The following PTBP2 variants were observed in gnomAD, a reference collection of about 807,000 sequenced individuals.
PTBP2 encodes the protein polypyrimidine tract binding protein 2, also known as polypyrimidine tract-binding protein 2.
A neutral mutation model predicts 61.4 loss-of-function variants in PTBP2; 13 were observed. That is an observed-to-expected ratio of 0.21 (90% confidence interval 0.14 to 0.34). The LOEUF (loss-of-function observed/expected upper bound fraction) is 0.34. PTBP2 is among the 10% of genes least tolerant of loss of function. PTBP2 has a pLI of 1.00. For missense variants in PTBP2, 405 were observed against 642.6 expected, an observed-to-expected ratio of 0.63 and a Z score of 4.00; for synonymous variants, 215 against 218.5, an observed-to-expected ratio of 0.98 and a Z score of 0.14.
At position 96,806,467 on chromosome 1, in the gene PTBP2, G is replaced by A; in HGVS notation, c.1078+15G>A. On this transcript the variant is annotated intron_variant, in intron 10 of 13. Coordinates refer to ENST00000674951, the MANE Select transcript of PTBP2 (RefSeq NM_021190.4). ...TACCCTCTTCGGTATGTTATTGTTAGCACTATACTTTTATTATTGATTTGA... is the reference window on the plus strand; with the variant it reads ...TACCCTCTTCGGTATGTTATTGTTAACACTATACTTTTATTATTGATTTGA... 6.2e-7 allele frequency: 1 copy of A among 1,600,850 alleles called. No individual in the cohort carries two copies. Among genetic ancestry groups the A allele is most frequent in the Non-Finnish European group, 8.6e-7 (1 of 1,168,448 alleles).
At position 96,806,918 on chromosome 1, in the gene PTBP2, C is replaced by T. The variant is rs745462545; in HGVS notation, c.1131C>T (p.Ser377=). The change falls in exon 11 of 14, where the codon AGC becomes AGT. Residue 377 remains serine, a synonymous_variant. Transcript: ENST00000674951. Reference sequence around the variant, plus strand: ...AGATTTTATACAATAAGAAAGACAGCGCTCTAATACAGATGGCTGATGGAA... The same window carrying T: ...AGATTTTATACAATAAGAAAGACAGTGCTCTAATACAGATGGCTGATGGAA... ...RVKILYNKKD[S]ALIQMADGNQ... The T allele has an allele frequency of 2.0e-5, 33 of 1,610,990 alleles. No homozygotes were observed. The highest frequency in any genetic ancestry group is 1.6e-4 in the Middle Eastern group (1 of 6,078).
chr1:96,779,049 A>T (rs781113166), intron 7 of PTBP2, among the ~76,000 whole-genome samples: 2 of 152,132 alleles, frequency 1.3e-5, no homozygotes, highest in Non-Finnish European at 2.9e-5. Flanking sequence ...ACTTACAGTG[A>T]ACACCACCTA....
chr1:96,817,249 A>G (rs1662521913), downstream of PTBP2: 2 of 152,080 alleles, frequency 1.3e-5, no homozygotes, highest in African/African-American at 4.8e-5. Context: ...TTCAAACAGG[A>G]TTTTCTGGCT....
chr1:96,790,373 CTGAT>C (rs960711699), intron 8 of PTBP2, among the ~76,000 whole-genome samples: 2 of 151,384 alleles, frequency 1.3e-5, no homozygotes, highest in African/African-American at 4.9e-5. Flanking sequence ...TGCTTTAAGA[CTGAT>C]TGTGGATTTG....
intron 2 of PTBP2, among the ~76,000 whole-genome samples, chr1:96,733,256 C>T (rs1419389817): frequency 6.6e-6 from 1 of 152,080 alleles, no homozygotes; most frequent in Non-Finnish European, 1.5e-5. Context: ...CACTCCGACA[C>T]ATTCTTGTGC....
chr1:96,794,982 A>G (rs1660227663), intron 8 of PTBP2, among the ~76,000 whole-genome samples: 1 of 152,182 alleles, frequency 6.6e-6, no homozygotes, highest in South Asian at 2.1e-4. Context: ...TTAATATGGG[A>G]ATTCTTAAAC....
chr1:96,722,442 G>T (rs968865745), intron 1 of PTBP2, among the ~76,000 whole-genome samples: 1 of 151,920 alleles, frequency 6.6e-6, no homozygotes, highest in African/African-American at 2.4e-5. Flanking sequence ...CGCTGGGGAA[G>T]GGGGGAGGGC....
At chr1:96,761,020 T>C (rs979087310) in intron 3 of PTBP2, among the ~76,000 whole-genome samples, 1 of 152,198 alleles carries the variant, frequency 6.6e-6, no homozygotes, top group Non-Finnish European at 1.5e-5. Flanking sequence ...GTAAGCATTG[T>C]ATGAAGCAAA....
At chr1:96,742,486 T>G (rs1402504399) in intron 2 of PTBP2, among the ~76,000 whole-genome samples, 1 of 152,150 alleles carries the variant, frequency 6.6e-6, no homozygotes, top group African/African-American at 2.4e-5. Flanking sequence ...TTCTCCTATT[T>G]CTTGATTTGT....
chr1:96,778,771 C>G (rs1474902530), intron 7 of PTBP2, among the ~76,000 whole-genome samples: 1 of 152,030 alleles, frequency 6.6e-6, no homozygotes. Context: ...GTCTCTAATA[C>G]TTAAATGCTT....
chr1:96,799,294 C>CTTTTTTTTTTATTTTTTTTT (rs1660726535), intron 8 of PTBP2, among the ~76,000 whole-genome samples: 1 of 92,198 alleles, frequency 1.1e-5, no homozygotes, highest in African/African-American at 4.8e-5. Flanking sequence ...ATAGATCAAG[C>CTTTTTTTTTTATTTTTTTTT]TTTTTTTTTT....
exon 14 of PTBP2, chr1:96,820,077 A>T (rs569708124): frequency 5.9e-5 from 9 of 152,052 alleles, no homozygotes; most frequent in Non-Finnish European, 1.2e-4. Flanking sequence ...AGACATTGAC[A>T]TAAGAGACAT....
chr1:96,796,365 T>C (rs939598323), intron 8 of PTBP2, among the ~76,000 whole-genome samples: 1 of 152,110 alleles, frequency 6.6e-6, no homozygotes, highest in Non-Finnish European at 1.5e-5. Flanking sequence ...TCATTATTCT[T>C]TCCTGTCACC....
At chr1:96,723,487 C>G in intron 1 of PTBP2, 77 bp from the exon 2 acceptor site, 1 of 1,269,390 alleles carries the variant, frequency 7.9e-7, no homozygotes, top group East Asian at 2.4e-5. Context: ...ATGGACTATC[C>G]TAAAAAGTTT....
intron 2 of PTBP2, among the ~76,000 whole-genome samples, chr1:96,741,482 G>A (rs1380313984): frequency 2.0e-5 from 3 of 151,884 alleles, no homozygotes; most frequent in Admixed American, 6.6e-5. Context: ...GGTTTGTTGC[G>A]AACTCCCAGG....
At chr1:96,815,476 T>C (rs1356612941), downstream of PTBP2, 1 of 152,194 alleles carries the variant, frequency 6.6e-6, no homozygotes, top group Non-Finnish European at 1.5e-5. Flanking sequence ...AGGATGTTAC[T>C]ACTGTAACTT....
Position 96,770,785 on chromosome 1 carries a change from T to C in PTBP2, c.366T>C (p.Arg122=), listed in dbSNP as rs373135597. 1.4e-5 allele frequency: 23 copies of C among 1,596,500 alleles called. No homozygotes were observed. Among genetic ancestry groups the C allele is most frequent in the Non-Finnish European group, 1.9e-5 (22 of 1,164,230 alleles). Reference sequence around the variant, plus strand: ...ATTCTGCTGTGACACCTCATCTTCGTAACCAACCAATATATATCCAGTACT... The same window carrying C: ...ATTCTGCTGTGACACCTCATCTTCGCAACCAACCAATATATATCCAGTACT... ...NYYSAVTPHL[R]NQPIYIQYSN... The change falls in exon 5 of 14, where the codon CGT becomes CGC. Residue 122 remains arginine (R), a synonymous_variant. Coordinates refer to ENST00000674951, the MANE Select transcript of PTBP2 (RefSeq NM_021190.4).
intron 3 of PTBP2, among the ~76,000 whole-genome samples, chr1:96,760,440 C>CTTTTTTTTTTT (rs989047792): frequency 3.6e-5 from 3 of 83,084 alleles, no homozygotes; most frequent in African/African-American, 5.4e-5. Context: ...AAATAGTTTG[C>CTTTTTTTTTTT]TTTTTTTTTT....
chr1:96,766,087 G>A (rs775814720), intron 3 of PTBP2, among the ~76,000 whole-genome samples: 1 of 152,164 alleles, frequency 6.6e-6, no homozygotes, highest in Non-Finnish European at 1.5e-5. Flanking sequence ...CAGGAGAAAA[G>A]TGATGTACTG....
Sources: allele counts gnomAD v4.1 joint callset (sites outside exome capture counted in the v4.1 genomes callset), GRCh38; gene constraint gnomAD v4.1.1; transcripts MANE v1.5; gene names NCBI Gene and HGNC (gene_info 2026-07-23, HGNC 2026-07-21).